The following TET3 variants were observed in gnomAD, a reference collection of about 807,000 sequenced individuals.
The protein encoded by TET3 is methylcytosine dioxygenase TET3.
In TET3, 19 loss-of-function variants were observed where a neutral mutation model predicts 141.4. That is an observed-to-expected ratio of 0.13 (90% confidence interval 0.09 to 0.20). The LOEUF is 0.20. Among genes scored for constraint, TET3 ranks in the 10% least tolerant of loss-of-function variants. The pLI is 1.00. For synonymous variants in TET3, 1,043 were observed against 980.9 expected, an observed-to-expected ratio of 1.06 and a Z score of -1.18; for missense variants, 1,874 against 2,356.9, an observed-to-expected ratio of 0.80 and a Z score of 4.24.
intron 4 of TET3, among the ~76,000 whole-genome samples, chr2:74,064,123 A>G (rs996559652): frequency 6.6e-5 from 10 of 152,202 alleles, no homozygotes; most frequent in Non-Finnish European, 1.5e-4. Context: ...TATACTACTT[A>G]AAAAGCATCT....
At chr2:74,115,176 G>A in the TET3 span, among the ~76,000 whole-genome samples, 4 of 152,146 alleles carry the variant, frequency 2.6e-5, no homozygotes, top group Non-Finnish European at 4.4e-5. Flanking sequence ...GCAATCTACA[G>A]AATGGGAGAA....
chr2:74,096,768 CAAA>C (rs11363244), intron 10 of TET3, among the ~76,000 whole-genome samples: 1 of 141,080 alleles, frequency 7.1e-6, no homozygotes, highest in Admixed American at 7.0e-5. Flanking sequence ...AACTCTGTCT[CAAA>C]AAAAAAAAAG....
intron 3 of TET3, among the ~76,000 whole-genome samples, chr2:74,011,722 A>C (rs1331294589): frequency 6.6e-6 from 1 of 151,988 alleles, no homozygotes; most frequent in Non-Finnish European, 1.5e-5. Flanking sequence ...TGTAAGTAAT[A>C]CATATTCTTT....
In TET3 at chr2:74,047,462, C is replaced by T; in HGVS notation, c.1545C>T (p.Ser515=). Residue 515 remains serine, a synonymous_variant, in exon 4 of 12, where the codon TCC becomes TCT. Transcript: ENST00000409262. ...TTCAGAGGGAGGCTCCCACGCCATC[C>T]TCGGAGCCCGACACCCACCAGAAGG... ...PVLQREAPTP[S]SEPDTHQKAQ... is the part of the protein sequence containing the mutation. 1.2e-6 allele frequency: 2 copies of T among 1,612,620 alleles called. No individual in the cohort carries two copies. Among genetic ancestry groups the T allele is most frequent in the South Asian group, 1.1e-5 (1 of 91,058 alleles).
chr2:74,122,467 GTGTGTGTA>G, the TET3 span: 1 of 130,134 alleles, frequency 7.7e-6, no homozygotes, highest in East Asian at 2.7e-4. Context: ...ATGTGTGTGT[GTGTGTGTA>G]TATATAAATA....
chr2:73,996,065 G>A (rs912470208), intron 2 of TET3, among the ~76,000 whole-genome samples: 2 of 152,136 alleles, frequency 1.3e-5, no homozygotes, highest in Non-Finnish European at 2.9e-5. Context: ...GCCCCACTGA[G>A]CTGTGTTCAT....
In TET3 at chr2:74,093,067, G is replaced by A. The variant is rs1292413975; in HGVS notation, c.3129+76G>A. 4 of 1,342,280 alleles carry A rather than the reference G, an allele frequency of 3.0e-6. No individual in the cohort carries two copies. The highest frequency in any genetic ancestry group is 4.2e-6 in the Non-Finnish European group (4 of 959,412). The allele number at this position is 1,342,280 out of a possible 1,614,324, so 83.1% of individuals were successfully genotyped here. ...GCTCAGGCTCTGAAGGTGGGAAGTG[G>A]GAGAGTGGGCTCTTTTACTCTCTTA... On this transcript the variant is annotated intron_variant, in intron 9 of 11. Coordinates refer to ENST00000409262, the MANE Select transcript of TET3 (RefSeq NM_001287491.2). This position sits in a 1 kb window ranked among gnomAD's most constrained non-coding sequence, Gnocchi z 4.2.
chr2:74,132,843 CTT>C, the TET3 span, among the ~76,000 whole-genome samples: 889 of 152,252 alleles, frequency 5.8e-3, 8 homozygotes, highest in African/African-American at 0.02. Flanking sequence ...GTTCCTGACT[CTT>C]AGCTGGACCC....
At chr2:74,069,348 C>T (rs565663332) in intron 4 of TET3, among the ~76,000 whole-genome samples, 2 of 149,282 alleles carry the variant, frequency 1.3e-5, no homozygotes, top group African/African-American at 5.0e-5. Flanking sequence ...TTAAAGGCAA[C>T]AGTCAGGTAT....
At chr2:74,113,506 G>A in the TET3 span, among the ~76,000 whole-genome samples, 1 of 152,054 alleles carries the variant, frequency 6.6e-6, no homozygotes, top group African/African-American at 2.4e-5. Flanking sequence ...AAGTCAAATT[G>A]TCCCTGTTTG....
chr2:74,012,848 A>G (rs1350639255), intron 3 of TET3, among the ~76,000 whole-genome samples: 1 of 152,140 alleles, frequency 6.6e-6, no homozygotes, highest in Non-Finnish European at 1.5e-5. Context: ...AAATGGTTTC[A>G]TTACATTTTA....
At chr2:74,094,377 T>A (rs1209809201) in intron 10 of TET3, among the ~76,000 whole-genome samples, 4 of 149,176 alleles carry the variant, frequency 2.7e-5, no homozygotes, top group East Asian at 2.0e-4. Context: ...GCAGGGAGAG[T>A]GGGATTGGAG....
chr2:74,108,591 TAA>T (rs1691629549), downstream of TET3, among the ~76,000 whole-genome samples: 1 of 152,242 alleles, frequency 6.6e-6, no homozygotes, highest in Non-Finnish European at 1.5e-5. Context: ...AGGGATTGGC[TAA>T]TATACGGAAC....
At chr2:74,033,256 C>T (rs1686852705) in intron 3 of TET3, among the ~76,000 whole-genome samples, 2 of 152,220 alleles carry the variant, frequency 1.3e-5, no homozygotes, top group South Asian at 2.1e-4. Flanking sequence ...CTCTATCACG[C>T]AGAGGATAAG....
At chr2:74,108,261 G>C (rs1016568350), downstream of TET3, 1 of 153,760 alleles carries the variant, frequency 6.5e-6, no homozygotes, top group Admixed American at 6.5e-5. Flanking sequence ...CCCACCCACC[G>C]TATGTTGTAG....
At chr2:74,132,470 C>G in the TET3 span, among the ~76,000 whole-genome samples, 591 of 152,320 alleles carry the variant, frequency 3.9e-3, 2 homozygotes, top group African/African-American at 0.013. Flanking sequence ...TTACTGCAGC[C>G]TCAAACTCCT....
chr2:74,097,117 A>AG (rs930584449), intron 10 of TET3, among the ~76,000 whole-genome samples: 1 of 113,382 alleles, frequency 8.8e-6, no homozygotes, highest in African/African-American at 2.5e-5. Flanking sequence ...AAAAAGAAAA[A>AG]AAAAAAAAGA....
At chr2:74,064,559 G>A (rs756037020) in intron 4 of TET3, among the ~76,000 whole-genome samples, 1 of 151,992 alleles carries the variant, frequency 6.6e-6, no homozygotes, top group African/African-American at 2.4e-5. Context: ...GTGCCACCAC[G>A]CCTGCCTAAT....
At chr2:74,088,066 G>A (rs1257221190) in intron 7 of TET3, 28 bp downstream of exon 7, 1 of 1,549,394 alleles carries the variant, frequency 6.5e-7, no homozygotes, top group Admixed American at 2.0e-5. Context: ...TCAGGGCCAG[G>A]GCCCACCTAT....
Sources: gnomAD v4.1 joint callset for allele counts (sites outside exome capture counted in the v4.1 genomes callset) on GRCh38, gnomAD v4.1.1 for gene constraint, Gnocchi (gnomAD v3.1) non-coding constraint, MANE v1.5 for transcripts, NCBI Gene and HGNC (gene_info 2026-07-23, HGNC 2026-07-21) for gene names.